The following SLC8A1 variants were observed in gnomAD, a reference collection of about 807,000 sequenced individuals.
The protein encoded by SLC8A1 is sodium/calcium exchanger 1.
Under a neutral mutation model 68.3 loss-of-function variants are expected in SLC8A1, and 18 were observed. That is an observed-to-expected ratio of 0.26 (90% confidence interval 0.18 to 0.39). The LOEUF is 0.39. SLC8A1 is among the 10% of genes least tolerant of loss of function. SLC8A1 has a pLI of 1.00. For missense variants in SLC8A1, 985 were observed against 1,156.7 expected (o/e 0.85, Z 2.15); for synonymous variants, 475 against 415.5 (o/e 1.14, Z -1.74).
chr2:40,465,047 T>C (rs1402378729), intron 1 of SLC8A1, among the ~76,000 whole-genome samples: 1 of 152,186 alleles, frequency 6.6e-6, no homozygotes, highest in Non-Finnish European at 1.5e-5. Context: ...AGAGGGTAGA[T>C]AATATCTCTC....
intron 1 of SLC8A1, chr2:40,446,303 A>G (rs1291042756): frequency 6.6e-6 from 1 of 152,266 alleles, no homozygotes; most frequent in Non-Finnish European, 1.5e-5. Flanking sequence ...CATTTGTACA[A>G]TGGCTTATGT....
At chr2:40,431,840 C>G (rs1194668208) in intron 1 of SLC8A1, among the ~76,000 whole-genome samples, 2 of 152,128 alleles carry the variant, frequency 1.3e-5, no homozygotes, top group Non-Finnish European at 2.9e-5. Context: ...CACCAGTGCC[C>G]AGGAGAACAC....
chr2:40,374,778 C>T (rs1369148101), intron 2 of SLC8A1, among the ~76,000 whole-genome samples: 1 of 151,960 alleles, frequency 6.6e-6, no homozygotes, highest in African/African-American at 2.4e-5. Context: ...GAGGCTGATC[C>T]CACATGGTGA....
chr2:40,479,182 A>C (rs1383718224), intron 1 of SLC8A1, among the ~76,000 whole-genome samples: 1 of 152,250 alleles, frequency 6.6e-6, no homozygotes, highest in Non-Finnish European at 1.5e-5. Flanking sequence ...ATAAACAGTT[A>C]ACATATTTTT....
chr2:40,104,645 GTTAA>G (rs1449793687), exon 8 of SLC8A1: 1 of 152,034 alleles, frequency 6.6e-6, no homozygotes, highest in Non-Finnish European at 1.5e-5. Context: ...AAAGACTAGT[GTTAA>G]TTTTCTTAAA....
chr2:40,474,057 T>C (rs1272664543), intron 1 of SLC8A1, among the ~76,000 whole-genome samples: 2 of 152,182 alleles, frequency 1.3e-5, no homozygotes, highest in African/African-American at 4.8e-5. Flanking sequence ...GATTATTCCT[T>C]CTGCTGTCCT....
At chr2:40,170,384 G>A in intron 4 of SLC8A1, 35 bp from the exon 7 acceptor site, 1 of 1,568,864 alleles carries the variant, frequency 6.4e-7, no homozygotes, top group Non-Finnish European at 8.8e-7. Context: ...TCAGCAGAAT[G>A]GATTGCATTG....
In SLC8A1 at chr2:40,256,301, G is replaced by A. The variant is rs144719962; in HGVS notation, c.1809-78446C>T. ...GAATATAAAATTCCTTTTTTGAGAC[G>A]GCTGCCTGGATTCTAATGGGGTTAC... On this transcript the variant is annotated intron_variant, in intron 2 of 7. Coordinates refer to ENST00000406785, the Ensembl canonical transcript of SLC8A1. Among the ~76,000 whole-genome samples the A allele has an allele frequency of 5.9e-3, 893 of 152,202 alleles. 7 individuals are homozygous for A. Among genetic ancestry groups the A allele is most frequent in the African/African-American group, 0.02 (840 of 41,516 alleles).
At chr2:40,318,180 A>C (rs747751011) in intron 2 of SLC8A1, among the ~76,000 whole-genome samples, 2 of 152,068 alleles carry the variant, frequency 1.3e-5, no homozygotes, top group Non-Finnish European at 2.9e-5. Flanking sequence ...TAAAAACAAA[A>C]AGTCATAATC....
rs2034377585 is a variant in SLC8A1 at position 40,108,700 on chromosome 2, CA to C, written c.*6552del. ...ATCACTGTTAGGTTTAATGTTTGTA[CA>C]ATTTAGTTCACTCTTTGTTTTTTAG... On this transcript the variant is annotated 3_prime_UTR_variant, in exon 8 of 8. Coordinates refer to ENST00000406785, the Ensembl canonical transcript of SLC8A1. 10 of 152,202 alleles carry C rather than the reference CA, an allele frequency of 6.6e-5. No individual in the cohort carries two copies. In the South Asian group the frequency reaches 2.1e-3, roughly 32 times the overall value. 9.4% of individuals were successfully genotyped at this position (152,202 alleles called of 1,614,324 possible). A position where few individuals can be genotyped will look rare whatever the true frequency, so the allele number is the denominator to read the frequency against.
exon 8 of SLC8A1, chr2:40,105,959 T>G (rs985363631): frequency 6.6e-6 from 1 of 152,148 alleles, no homozygotes; most frequent in Non-Finnish European, 1.5e-5. Context: ...GGATAATGTG[T>G]GAATGGGGGC....
chr2:40,452,456 C>G (rs550903781), upstream of SLC8A1, among the ~76,000 whole-genome samples: 36 of 152,278 alleles, frequency 2.4e-4, no homozygotes, highest in Middle Eastern at 3.4e-3. Flanking sequence ...GTCTCTCGCA[C>G]CCAGCCCATC....
At chr2:40,424,716 T>C (rs1178464363) in intron 2 of SLC8A1, among the ~76,000 whole-genome samples, 1 of 151,840 alleles carries the variant, frequency 6.6e-6, no homozygotes, top group Non-Finnish European at 1.5e-5. Context: ...AAGTAAATAA[T>C]CTAACTTGCA....
intron 2 of SLC8A1, 62 bp from the exon 3 acceptor site, chr2:40,178,555 G>C (rs1399353900): frequency 1.4e-6 from 2 of 1,413,280 alleles, no homozygotes; most frequent in Non-Finnish European, 9.9e-7. Flanking sequence ...AAGGAACATA[G>C]AGAAGAGGAA....
At chr2:40,413,498 C>A (rs1324075612) in intron 2 of SLC8A1, among the ~76,000 whole-genome samples, 2 of 152,094 alleles carry the variant, frequency 1.3e-5, no homozygotes, top group East Asian at 3.9e-4. Flanking sequence ...TTAAAATGAT[C>A]TATTTAAGAA....
chr2:40,298,567 C>T (rs556720961), intron 2 of SLC8A1, among the ~76,000 whole-genome samples: 111 of 152,224 alleles, frequency 7.3e-4, no homozygotes, highest in Middle Eastern at 3.4e-3. Context: ...ATTCTGCTGT[C>T]CCTCAAGCTG....
chr2:40,133,792 C>G (rs776174706), intron 7 of SLC8A1, among the ~76,000 whole-genome samples: 8 of 151,396 alleles, frequency 5.3e-5, no homozygotes, highest in Non-Finnish European at 1.2e-4. Flanking sequence ...CCAATAGGAA[C>G]AAGACATGAA....
At position 40,140,671 on chromosome 2, in the gene SLC8A1, C is replaced by T. The variant is rs1005307329; in HGVS notation, c.2162-995G>A. On this transcript the variant is annotated intron_variant, in intron 6 of 7. Coordinates refer to ENST00000406785, the Ensembl canonical transcript of SLC8A1. ...AAATTGTACATGTTCATGTTCTCTT[C>T]TCCAGTTGACTGAGAACCCTTCCAG... is the stretch of plus-strand genomic sequence containing the variant. 3.9e-5 allele frequency among the ~76,000 whole-genome samples: 6 copies of T among 152,238 alleles called. 1 individual carries two copies. The highest frequency in any genetic ancestry group is 2.0e-4 in the Admixed American group (3 of 15,284).
At chr2:40,156,098 T>C (rs1458740753) in intron 6 of SLC8A1, among the ~76,000 whole-genome samples, 2 of 152,228 alleles carry the variant, frequency 1.3e-5, no homozygotes, top group African/African-American at 4.8e-5. Context: ...GCTGAATATT[T>C]AGTTTAGGCA....
Sources: allele counts gnomAD v4.1 joint callset (sites outside exome capture counted in the v4.1 genomes callset), GRCh38; gene constraint gnomAD v4.1.1; transcripts MANE v1.5; gene names NCBI Gene and HGNC (gene_info 2026-07-23, HGNC 2026-07-21).